Variants in MAP2K1 observed in about 807,000 individuals in gnomAD.
The protein encoded by MAP2K1 is dual specificity mitogen-activated protein kinase kinase 1.
In MAP2K1, 16 loss-of-function variants were observed where a neutral mutation model predicts 46.3. That is an observed-to-expected ratio of 0.35 (90% CI 0.23 to 0.52). MAP2K1 has a LOEUF of 0.52. MAP2K1 is among the 20% of genes least tolerant of loss of function. The probability of loss-of-function intolerance (pLI) is 0.94; values close to 1 mark genes in which losing one functional copy is unlikely to be tolerated. For missense variants in MAP2K1, 263 were observed against 497.1 expected (o/e 0.53, Z 4.48); for synonymous variants, 183 against 185.6 (o/e 0.99, Z 0.11).
At position 66,420,719 on chromosome 15, in the gene MAP2K1, ATATGTGTGTGTGTGTG is replaced by A. The variant is rs1211566905; in HGVS notation, c.81-14306_81-14291del. ...ACTTACTCTTGGCATATATATATAT[ATATGTGTGTGTGTGTG>A]TGTGTGTGTGTGTGTGTGTGTGTGT... On this transcript the variant is annotated intron_variant, in intron 1 of 10. Coordinates refer to ENST00000307102, the MANE Select transcript of MAP2K1 (RefSeq NM_002755.4). Among the ~76,000 whole-genome samples, 3 of 32,744 alleles carry A rather than the reference ATATGTGTGTGTGTGTG, an allele frequency of 9.2e-5. 1 individual carries two copies. The highest frequency in any genetic ancestry group is 2.4e-4 in the African/African-American group (2 of 8,186). The allele number at this position is 32,744 out of a possible 152,430, so 21.5% of individuals were successfully genotyped here. A position where few individuals can be genotyped will look rare whatever the true frequency, so the allele number is the denominator to read the frequency against.
chr15:66,433,853 G>A (rs1305484510), intron 1 of MAP2K1, among the ~76,000 whole-genome samples: 1 of 152,144 alleles, frequency 6.6e-6, no homozygotes, highest in Non-Finnish European at 1.5e-5. Context: ...AAACACAGTG[G>A]AAACTCTTAC....
intron 5 of MAP2K1, chr15:66,453,555 A>G: frequency 1.4e-6 from 1 of 702,312 alleles, no homozygotes; most frequent in East Asian, 2.7e-5. Flanking sequence ...TGAGTAGGTG[A>G]TTCCTGGAAA....
chr15:66,420,759 G>GTGTGTGTGTGTGTGTATA lies in MAP2K1; in HGVS notation c.81-14267_81-14266insGTGTGTGTGTGTGTATAT, dbSNP rs1252003697. ...TGTGTGTGTGTGTGTGTGTGTGTGT[G>GTGTGTGTGTGTGTGTATA]TATGTGTGTATATATATGTGTATAT... On this transcript the variant is annotated intron_variant, in intron 1 of 10. Transcript: ENST00000307102. 2.2e-4 allele frequency among the ~76,000 whole-genome samples: 9 copies of GTGTGTGTGTGTGTGTATA among 40,092 alleles called. 1 individual carries two copies. The highest frequency in any genetic ancestry group is 8.6e-4 in the African/African-American group (9 of 10,416). 26.3% of individuals were successfully genotyped at this position (40,092 alleles called of 152,430 possible). A position where few individuals can be genotyped will look rare whatever the true frequency, so the allele number is the denominator to read the frequency against.
intron 5 of MAP2K1, among the ~76,000 whole-genome samples, chr15:66,475,950 ATACT>A (rs1165406743): frequency 6.6e-6 from 1 of 152,238 alleles, no homozygotes; most frequent in Non-Finnish European, 1.5e-5. Flanking sequence ...GGGGTAGAAA[ATACT>A]TAATAGTTAA....
intron 5 of MAP2K1, among the ~76,000 whole-genome samples, chr15:66,460,068 G>C (rs62010229): frequency 0.056 from 8,556 of 152,264 alleles, 347 homozygotes; most frequent in Middle Eastern, 0.11. Context: ...TACACAAGGT[G>C]CTCCTGGCTA....
At chr15:66,435,351 ATTTTT>A (rs71139499) in intron 2 of MAP2K1, 114 bp downstream of exon 2, 5 of 613,962 alleles carry the variant, frequency 8.1e-6, no homozygotes, top group Admixed American at 3.0e-5. Flanking sequence ...TGCTGTTTGA[ATTTTT>A]TTTTTTTTTT....
intron 5 of MAP2K1, among the ~76,000 whole-genome samples, chr15:66,474,719 T>G (rs781569296): frequency 6.6e-6 from 1 of 152,114 alleles, no homozygotes; most frequent in Admixed American, 6.5e-5. Context: ...CCCTAACAGG[T>G]GACGCCTTCC....
chr15:66,432,715 C>T (rs2093477833), intron 1 of MAP2K1, among the ~76,000 whole-genome samples: 1 of 152,192 alleles, frequency 6.6e-6, no homozygotes, highest in Admixed American at 6.5e-5. Context: ...AATATAGCAT[C>T]ATGGTTAAGG....
chr15:66,473,266 C>T (rs886464851), intron 5 of MAP2K1, among the ~76,000 whole-genome samples: 1 of 152,244 alleles, frequency 6.6e-6, no homozygotes, highest in South Asian at 2.1e-4. Context: ...CCAAATATTA[C>T]GAAGGGTCAT....
intron 1 of MAP2K1, among the ~76,000 whole-genome samples, chr15:66,428,271 CGTGTGTGTGTGTGTGTGTGTGTGTGTGT>C (rs67373670): frequency 2.5e-4 from 31 of 122,374 alleles, no homozygotes; most frequent in African/African-American, 8.8e-4. Flanking sequence ...AGCAGTTGTG[CGTGTGTGTGTGTGTGTGTGTGTGTGTGT>C]GTGTGTGTGT....
At chr15:66,482,529 C>T (rs1892937344) in intron 6 of MAP2K1, among the ~76,000 whole-genome samples, 1 of 152,238 alleles carries the variant, frequency 6.6e-6, no homozygotes, top group African/African-American at 2.4e-5. Context: ...TTTCCTCCTG[C>T]TCCTGGCTCT....
intron 6 of MAP2K1, among the ~76,000 whole-genome samples, chr15:66,483,025 T>C (rs906942476): frequency 1.3e-5 from 2 of 152,174 alleles, no homozygotes; most frequent in Admixed American, 1.3e-4. Context: ...GAAATAAAGA[T>C]TATTGTTCCC....
At chr15:66,455,003 T>G (rs1892130008) in intron 5 of MAP2K1, among the ~76,000 whole-genome samples, 1 of 152,124 alleles carries the variant, frequency 6.6e-6, no homozygotes, top group Non-Finnish European at 1.5e-5. Context: ...GTTGGCTCAG[T>G]CAGGCAGAGA....
At chr15:66,478,983 T>A (rs1426389488) in intron 5 of MAP2K1, among the ~76,000 whole-genome samples, 3 of 151,868 alleles carry the variant, frequency 2.0e-5, no homozygotes, top group Non-Finnish European at 4.4e-5. Context: ...GGCAGCAGGG[T>A]GGGTAGAAGA....
rs372265641 is a variant in MAP2K1 at position 66,406,310 on chromosome 15, G to T, written c.80+18883G>T. Among the ~76,000 whole-genome samples, 2 of 152,314 alleles carry T rather than the reference G, an allele frequency of 1.3e-5. 1 individual carries two copies. The highest frequency in any genetic ancestry group is 3.9e-4 in the East Asian group (2 of 5,190). ...GAAATTCAGTAAAAGCCTCAGTGTG[G>T]ATCATACTTCATAGCTCTGAAGTAA... On this transcript the variant is annotated intron_variant, in intron 1 of 10. Coordinates refer to ENST00000307102, the MANE Select transcript of MAP2K1 (RefSeq NM_002755.4).
At position 66,489,066 on chromosome 15, in the gene MAP2K1, C is replaced by T. The variant is rs1036659590; in HGVS notation, c.961-149C>T. On this transcript the variant is annotated intron_variant, in intron 8 of 10. Coordinates refer to ENST00000307102, the MANE Select transcript of MAP2K1 (RefSeq NM_002755.4). ...GCACTGGCCTTCTACCTGTGCCTTT[C>T]CTTGACTGGATGAGAGTAGTACTGC... 1.1e-5 allele frequency: 8 copies of T among 709,656 alleles called. No individual in the cohort carries two copies. The African/African-American group carries it at 1.2e-4, about 11-fold the overall frequency. 44.0% of individuals were successfully genotyped at this position (709,656 alleles called of 1,614,324 possible).
rs991172364 is a variant in MAP2K1 at position 66,416,169 on chromosome 15, C to G, written c.81-18858C>G. Among the ~76,000 whole-genome samples the G allele has an allele frequency of 3.3e-5, 5 of 152,112 alleles. No individual in the cohort carries two copies. The East Asian group carries it at 7.7e-4, about 23-fold the overall frequency. ...CTGACCTTCACTTTCCCTCCCTTATCTTAGATGGAATTAGGGAGTTTTTCT... is the reference window on the plus strand; with the variant it reads ...CTGACCTTCACTTTCCCTCCCTTATGTTAGATGGAATTAGGGAGTTTTTCT... On this transcript the variant is annotated intron_variant, in intron 1 of 10. Transcript: ENST00000307102.
chr15:66,442,882 CAGGG>C (rs2093508247), intron 3 of MAP2K1, among the ~76,000 whole-genome samples: 1 of 152,108 alleles, frequency 6.6e-6, no homozygotes, highest in African/African-American at 2.4e-5. Context: ...ACACAGAACT[CAGGG>C]AAACACTTAA....
intron 1 of MAP2K1, among the ~76,000 whole-genome samples, chr15:66,424,260 G>A (rs1228324124): frequency 6.6e-6 from 1 of 151,972 alleles, no homozygotes; most frequent in Non-Finnish European, 1.5e-5. Flanking sequence ...GTTTCGCCAT[G>A]TTGGCCAGGC....
Sources: allele counts gnomAD v4.1 joint callset (sites outside exome capture counted in the v4.1 genomes callset), GRCh38; gene constraint gnomAD v4.1.1; transcripts MANE v1.5; gene names NCBI Gene and HGNC (gene_info 2026-07-23, HGNC 2026-07-21).